The following CCSER1 variants were observed in gnomAD, a reference collection of about 807,000 sequenced individuals.
The protein encoded by CCSER1 is serine-rich coiled-coil domain-containing protein 1.
CCSER1 carries 41 observed loss-of-function variants against 82.0 expected under a neutral mutation model. That is an observed-to-expected ratio of 0.50 (90% CI 0.39 to 0.65). The LOEUF (loss-of-function observed/expected upper bound fraction) is 0.65. Ranked by LOEUF, CCSER1 falls within the 30% of genes least tolerant of loss-of-function variation. The pLI, the probability that CCSER1 is intolerant of heterozygous loss-of-function variation, is 0.00. For synonymous variants in CCSER1, 414 were observed against 383.9 expected (o/e 1.08, Z -0.92); for missense variants, 1,119 against 1,064.2 (o/e 1.05, Z -0.72).
At chr4:91,209,197 C>T (rs1433407457) in intron 10 of CCSER1, among the ~76,000 whole-genome samples, 2 of 151,792 alleles carry the variant, frequency 1.3e-5, no homozygotes, top group Non-Finnish European at 2.9e-5. Flanking sequence ...CTTTGGGTGC[C>T]TTTTATTTCT....
At chr4:91,073,776 C>G (rs1018687702) in intron 9 of CCSER1, among the ~76,000 whole-genome samples, 2 of 152,034 alleles carry the variant, frequency 1.3e-5, no homozygotes, top group African/African-American at 4.8e-5. Flanking sequence ...CCATACAAAA[C>G]AGAAAGACAC....
intron 5 of CCSER1, among the ~76,000 whole-genome samples, chr4:90,530,467 A>C (rs1774365096): frequency 6.6e-6 from 1 of 152,102 alleles, no homozygotes; most frequent in Non-Finnish European, 1.5e-5. Flanking sequence ...ACACTCAAGA[A>C]AAGGGAGTGT....
At chr4:91,373,813 G>C (rs1750206795) in intron 10 of CCSER1, among the ~76,000 whole-genome samples, 1 of 152,154 alleles carries the variant, frequency 6.6e-6, no homozygotes, top group South Asian at 2.1e-4. Context: ...AATTAGCCAC[G>C]TTGTGAATCA....
chr4:90,445,523 T>C (rs1054013279), intron 4 of CCSER1, among the ~76,000 whole-genome samples: 7 of 152,152 alleles, frequency 4.6e-5, no homozygotes, highest in African/African-American at 1.7e-4. Flanking sequence ...TGATGTAAAA[T>C]GTAGACATAA....
At chr4:91,264,688 C>T (rs1193122615) in intron 10 of CCSER1, among the ~76,000 whole-genome samples, 1 of 151,968 alleles carries the variant, frequency 6.6e-6, no homozygotes, top group Admixed American at 6.6e-5. Flanking sequence ...TTAAGGCATT[C>T]CATCCAAGTA....
chr4:90,605,751 T>A (rs1471520309), intron 5 of CCSER1, among the ~76,000 whole-genome samples: 1 of 151,884 alleles, frequency 6.6e-6, no homozygotes, highest in Non-Finnish European at 1.5e-5. Context: ...TTTTTTATAA[T>A]TTTTTTTGAC....
intron 7 of CCSER1, among the ~76,000 whole-genome samples, chr4:90,804,407 G>T (rs1481941905): frequency 6.6e-6 from 1 of 151,988 alleles, no homozygotes; most frequent in Non-Finnish European, 1.5e-5. Flanking sequence ...TAAGGAAGGG[G>T]GTCCAGTTTC....
chr4:91,124,770 C>G lies in CCSER1; in HGVS notation c.2217+38776C>G, dbSNP rs1727365008. On this transcript the variant is annotated intron_variant, in intron 10 of 10. Transcript: ENST00000509176. Reference sequence around the variant, plus strand: ...GTGAAAGGATGAATGAATAAATCAACAAAGATTTTTATGGTTGTTTTATTA... The same window carrying G: ...GTGAAAGGATGAATGAATAAATCAAGAAAGATTTTTATGGTTGTTTTATTA... Among the ~76,000 whole-genome samples the G allele has an allele frequency of 2.0e-5, 3 of 151,742 alleles. No homozygotes were observed. The South Asian group carries it at 6.2e-4, about 31-fold the overall frequency.
intron 10 of CCSER1, among the ~76,000 whole-genome samples, chr4:91,137,734 G>T (rs1028045441): frequency 3.3e-5 from 5 of 151,954 alleles, no homozygotes; most frequent in East Asian, 1.9e-4. Flanking sequence ...TCTCATAGTG[G>T]TTTTGATTTG....
At chr4:90,650,523 A>G (rs1250023860) in intron 6 of CCSER1, among the ~76,000 whole-genome samples, 1 of 152,228 alleles carries the variant, frequency 6.6e-6, no homozygotes, top group Admixed American at 6.5e-5. Flanking sequence ...TGCTTGTGCA[A>G]TAAAAGAAAG....
rs772926605 is a variant in CCSER1, at chr4:91,308,697, C to T, written c.2217+222703C>T. 2.0e-5 allele frequency among the ~76,000 whole-genome samples: 3 copies of T among 152,066 alleles called. No homozygotes were observed. The South Asian group carries it at 6.2e-4, about 32-fold the overall frequency. On this transcript the variant is annotated intron_variant, in intron 10 of 10. Transcript: ENST00000509176. The stretch of plus-strand genomic sequence containing the variant: ...AAGTTTGGGAATTACTGGCCCAGGA[C>T]ATTCAAATCATCATTAGCCTATTTT...
intron 1 of CCSER1, among the ~76,000 whole-genome samples, chr4:90,166,754 T>A (rs1730526556): frequency 6.6e-6 from 1 of 152,012 alleles, no homozygotes; most frequent in Non-Finnish European, 1.5e-5. Context: ...TTGCAAATGT[T>A]AAAAGAGTTT....
chr4:90,169,389 G>A (rs976293972), intron 1 of CCSER1, among the ~76,000 whole-genome samples: 1 of 151,974 alleles, frequency 6.6e-6, no homozygotes, highest in Non-Finnish European at 1.5e-5. Flanking sequence ...GAGACGATGG[G>A]GTTTTCTAGG....
intron 9 of CCSER1, among the ~76,000 whole-genome samples, chr4:91,040,560 G>T (rs1339574808): frequency 6.6e-6 from 1 of 152,160 alleles, no homozygotes; most frequent in Non-Finnish European, 1.5e-5. Context: ...ATGTAGAAGG[G>T]AGAGTCATAG....
chr4:91,304,136 C>T (rs996993185), intron 10 of CCSER1, among the ~76,000 whole-genome samples: 3 of 151,916 alleles, frequency 2.0e-5, no homozygotes, highest in Admixed American at 6.6e-5. Context: ...GACTAAATTG[C>T]ATATTTCAAA....
rs373101487 is a variant in CCSER1 at position 90,617,514 on chromosome 4, A to G, written c.1725-10511A>G. Among the ~76,000 whole-genome samples, 5 of 152,316 alleles carry G rather than the reference A, an allele frequency of 3.3e-5. No individual in the cohort carries two copies. In the East Asian group the frequency reaches 5.8e-4, roughly 18 times the overall value. On this transcript the variant is annotated intron_variant, in intron 5 of 10. Transcript: ENST00000509176. The stretch of plus-strand genomic sequence containing the variant: ...AAATAAAGAAACTGAGATAACAGTC[A>G]AAGAAAAATATATTGAAGCACAAAG...
chr4:90,898,708 T>C (rs534369960), intron 8 of CCSER1, among the ~76,000 whole-genome samples: 33 of 152,116 alleles, frequency 2.2e-4, no homozygotes, highest in Admixed American at 3.3e-4. Context: ...TAAGGAGTAC[T>C]TTCCCCATTG....
chr4:90,533,419 C>T (rs568871075), intron 5 of CCSER1, among the ~76,000 whole-genome samples: 1 of 152,282 alleles, frequency 6.6e-6, no homozygotes, highest in South Asian at 2.1e-4. Context: ...CTGCTATTCT[C>T]AGATTGTCTC....
At chr4:91,038,091 C>T (rs1429905897) in intron 9 of CCSER1, among the ~76,000 whole-genome samples, 1 of 152,066 alleles carries the variant, frequency 6.6e-6, no homozygotes, top group Non-Finnish European at 1.5e-5. Context: ...GAAAGGTACC[C>T]TGTCCACAAG....
Sources: allele counts gnomAD v4.1 joint callset (sites outside exome capture counted in the v4.1 genomes callset), GRCh38; gene constraint gnomAD v4.1.1; transcripts MANE v1.5; gene names NCBI Gene and HGNC (gene_info 2026-07-23, HGNC 2026-07-21).